STK39: variants seen among roughly 807,000 people sequenced by gnomAD.
STK39 encodes the protein serine/threonine kinase 39, also known as STE20/SPS1-related proline-alanine-rich protein kinase.
A neutral mutation model predicts 77.8 loss-of-function variants in STK39; 20 were observed. The ratio of observed to expected loss-of-function variants is 0.26; its 90% CI spans 0.18 to 0.37. STK39 has a LOEUF of 0.37. Among genes scored for constraint, STK39 ranks in the 10% least tolerant of loss-of-function variants. The probability of loss-of-function intolerance (pLI) is 1.00; values close to 1 mark genes in which losing one functional copy is unlikely to be tolerated. For synonymous variants in STK39, 246 were observed against 234.1 expected (o/e 1.05, Z -0.47); for missense variants, 479 against 656.5 (o/e 0.73, Z 2.95).
At chr2:168,165,729 A>G (rs1688679463) in intron 3 of STK39, among the ~76,000 whole-genome samples, 1 of 151,890 alleles carries the variant, frequency 6.6e-6, no homozygotes, top group Non-Finnish European at 1.5e-5. Flanking sequence ...CAAGCCAATT[A>G]CAATGCCTTC....
At chr2:167,966,896 T>C (rs1159802339) in intron 16 of STK39, among the ~76,000 whole-genome samples, 1 of 152,276 alleles carries the variant, frequency 6.6e-6, no homozygotes, top group African/African-American at 2.4e-5. Flanking sequence ...CACCTTCATT[T>C]AACTGACATC....
At chr2:168,161,114 C>G (rs929313654) in intron 5 of STK39, among the ~76,000 whole-genome samples, 1 of 152,110 alleles carries the variant, frequency 6.6e-6, no homozygotes, top group African/African-American at 2.4e-5. Flanking sequence ...CCCAAGAAAC[C>G]ATGAAAGCTA....
Position 168,228,190 on chromosome 2 carries a change from A to G in STK39, c.208+19038T>C, listed in dbSNP as rs545941743. ...AATCATAAGGCATGCTTGTCAGTGT[A>G]TGCCAAAATCTCAAGAAATAAAATC... On this transcript the variant is annotated intron_variant, in intron 1 of 17. Coordinates refer to ENST00000355999, the MANE Select transcript of STK39 (RefSeq NM_013233.3). Among the ~76,000 whole-genome samples, 257 of 152,358 alleles carry G rather than the reference A, an allele frequency of 1.7e-3. 2 individuals are homozygous for G. Among genetic ancestry groups the G allele is most frequent in the African/African-American group, 5.6e-3 (232 of 41,586 alleles).
At chr2:168,176,601 T>G (rs1302227808) in intron 2 of STK39, among the ~76,000 whole-genome samples, 2 of 152,100 alleles carry the variant, frequency 1.3e-5, no homozygotes, top group African/African-American at 4.8e-5. Context: ...GAAAGCAAAA[T>G]GAGGGCAGTG....
chr2:168,109,037 T>C (rs925054707), intron 10 of STK39, among the ~76,000 whole-genome samples: 2 of 152,214 alleles, frequency 1.3e-5, no homozygotes, highest in Admixed American at 1.3e-4. Context: ...AGAGGTTAGG[T>C]ACCTTGCCCT....
intron 12 of STK39, among the ~76,000 whole-genome samples, chr2:168,069,214 C>T (rs969364315): frequency 2.0e-5 from 3 of 152,160 alleles, no homozygotes; most frequent in African/African-American, 7.2e-5. Context: ...CTGCGCCTGA[C>T]CCACAGAAAT....
chr2:168,013,313 G>A (rs879450768), intron 15 of STK39, among the ~76,000 whole-genome samples: 9 of 152,202 alleles, frequency 5.9e-5, no homozygotes, highest in Non-Finnish European at 1.3e-4. Flanking sequence ...TAAGTGACAG[G>A]AGTTCGCAAT....
In STK39 at chr2:168,167,306, T is replaced by G. The variant is rs762864945; in HGVS notation, c.423A>C (p.Leu141=). 4.3e-6 allele frequency: 7 copies of G among 1,613,266 alleles called. No individual in the cohort carries two copies. Among genetic ancestry groups the G allele is most frequent in the Non-Finnish European group, 5.9e-6 (7 of 1,179,420 alleles). ...ACAACAAAATCCACTTACCTCCACTTAGTAATTTCATGACCAGCCAAAGTT... is the reference window on the plus strand; with the variant it reads ...ACAACAAAATCCACTTACCTCCACTGAGTAATTTCATGACCAGCCAAAGTT... ...KDELWLVMKL[L]SGGSMLDIIK... The change falls in exon 3 of 18, where the codon CTA becomes CTC. Residue 141 remains leucine, a synonymous_variant. Transcript: ENST00000355999.
At chr2:168,175,864 T>C (rs75237641) in intron 2 of STK39, among the ~76,000 whole-genome samples, 44 of 152,242 alleles carry the variant, frequency 2.9e-4, no homozygotes, top group African/African-American at 1.0e-3. Flanking sequence ...TACTACAAAA[T>C]ATATTAAAAT....
intron 12 of STK39, among the ~76,000 whole-genome samples, chr2:168,070,493 C>T (rs562687654): frequency 4.6e-5 from 7 of 150,614 alleles, no homozygotes; most frequent in East Asian, 2.0e-4. Flanking sequence ...ATGTGCACAA[C>T]GTGCAGGTTT....
chr2:168,188,147 T>C (rs1187698117), intron 1 of STK39, among the ~76,000 whole-genome samples: 1 of 152,214 alleles, frequency 6.6e-6, no homozygotes, highest in Non-Finnish European at 1.5e-5. Context: ...AGCTGATTTA[T>C]TCTAATCCTG....
chr2:168,027,942 C>T (rs1038011267), intron 14 of STK39, among the ~76,000 whole-genome samples: 1 of 152,150 alleles, frequency 6.6e-6, no homozygotes, highest in South Asian at 2.1e-4. Flanking sequence ...ATGAATAAAT[C>T]GCATGCAGAA....
intron 10 of STK39, among the ~76,000 whole-genome samples, chr2:168,122,060 G>T (rs796743470): frequency 8.5e-5 from 13 of 152,298 alleles, no homozygotes; most frequent in African/African-American, 2.9e-4. Flanking sequence ...CGTTTCAGGG[G>T]CACATGTGAA....
At chr2:168,193,405 G>A (rs925090094) in intron 1 of STK39, among the ~76,000 whole-genome samples, 8 of 152,234 alleles carry the variant, frequency 5.3e-5, no homozygotes, top group Admixed American at 4.6e-4. Flanking sequence ...TGAACTGCAG[G>A]AACACAAATG....
chr2:167,979,414 C>T (rs1470104183), intron 16 of STK39, among the ~76,000 whole-genome samples: 2 of 152,148 alleles, frequency 1.3e-5, no homozygotes, highest in Non-Finnish European at 2.9e-5. Flanking sequence ...GTTTACTTTG[C>T]ATTTCTCTAA....
At chr2:167,972,323 A>AT (rs1231701056) in intron 16 of STK39, among the ~76,000 whole-genome samples, 2 of 152,172 alleles carry the variant, frequency 1.3e-5, no homozygotes, top group Non-Finnish European at 2.9e-5. Context: ...AATCTGGTGT[A>AT]TTTTGTGTGT....
intron 1 of STK39, among the ~76,000 whole-genome samples, chr2:168,214,786 G>C (rs890800514): frequency 6.6e-6 from 1 of 152,116 alleles, no homozygotes; most frequent in African/African-American, 2.4e-5. Flanking sequence ...TGTTGTACAG[G>C]GTAATTCTGA....
intron 14 of STK39, among the ~76,000 whole-genome samples, chr2:168,048,909 G>A (rs1332215699): frequency 6.6e-6 from 1 of 152,164 alleles, no homozygotes; most frequent in African/African-American, 2.4e-5. Context: ...GCGTCACACA[G>A]ACTAAATGTG....
intron 17 of STK39, among the ~76,000 whole-genome samples, chr2:167,962,475 T>A (rs1692011215): frequency 6.6e-6 from 1 of 152,082 alleles, no homozygotes; most frequent in Admixed American, 6.6e-5. Context: ...AGAAATAAGG[T>A]CCCTCCTGAG....
Sources: gnomAD v4.1 joint callset for allele counts (sites outside exome capture counted in the v4.1 genomes callset) on GRCh38, gnomAD v4.1.1 for gene constraint, MANE v1.5 for transcripts, NCBI Gene and HGNC (gene_info 2026-07-23, HGNC 2026-07-21) for gene names.